EP400: variants seen among roughly 807,000 people sequenced by gnomAD.
EP400 encodes E1A binding protein p400.
Under a neutral mutation model 354.1 loss-of-function variants are expected in EP400, and 105 were observed. The observed-to-expected ratio is 0.30, with a 90% CI of 0.25 to 0.35. EP400 has a LOEUF of 0.35. EP400 is among the 10% of genes least tolerant of loss of function. The pLI, the probability that EP400 is intolerant of heterozygous loss-of-function variation, is 1.00. For missense variants in EP400, 3,280 were observed against 4,121.0 expected (o/e 0.80, Z 5.59); for synonymous variants, 1,646 against 1,716.9 (o/e 0.96, Z 1.02).
intron 2 of EP400, among the ~76,000 whole-genome samples, chr12:131,972,932 A>T (rs1274211365): frequency 6.6e-6 from 1 of 151,696 alleles, no homozygotes; most frequent in Non-Finnish European, 1.5e-5. Flanking sequence ...GGATTTTACC[A>T]TGTCGGCCAG....
intron 2 of EP400, 55 bp downstream of exon 2, chr12:131,962,009 A>G (rs940974685): frequency 9.8e-6 from 15 of 1,523,918 alleles, no homozygotes; most frequent in Middle Eastern, 1.7e-4. Flanking sequence ...ATCAGAGTCT[A>G]TGCGACAATG....
chr12:132,051,287 G>A (rs1014199582), intron 41 of EP400, among the ~76,000 whole-genome samples: 4 of 152,166 alleles, frequency 2.6e-5, no homozygotes, highest in Admixed American at 1.3e-4. Context: ...AACCCTACAG[G>A]GTCGGTGGGT....
rs1364034439 is a variant in EP400, at chr12:132,067,865, TG to T, written c.8874+380del. 6.6e-6 allele frequency among the ~76,000 whole-genome samples: 1 copy of T among 152,126 alleles called. No individual in the cohort carries two copies. Among genetic ancestry groups the T allele is most frequent in the East Asian group, 1.9e-4 (1 of 5,188 alleles). Reference sequence around the variant, plus strand: ...ACACCACAGGACCCGCCTGGACTCCTGCTGGAGGACAGGGATGCCGTACAGT... The same window carrying T: ...ACACCACAGGACCCGCCTGGACTCCTCTGGAGGACAGGGATGCCGTACAGT... On this transcript the variant is annotated intron_variant, in intron 50 of 52. Coordinates refer to ENST00000389561, the MANE Select transcript of EP400 (RefSeq NM_015409.5). This position sits in a 1 kb window ranked among gnomAD's most constrained non-coding sequence, Gnocchi z 5.3.
chr12:132,052,260 A>G lies in EP400; in HGVS notation c.7395-886A>G, dbSNP rs550107724. The stretch of plus-strand genomic sequence containing the variant: ...GAGTGGCTTGCCGCCCACAGTTGTC[A>G]CACAGTGGCGGATTTGGGAGGCTTC... On this transcript the variant is annotated intron_variant, in intron 41 of 52. Transcript: ENST00000389561. The surrounding 1 kb of genome is among the most constrained non-coding windows in gnomAD (Gnocchi z 4.4). Among the ~76,000 whole-genome samples the G allele has an allele frequency of 5.9e-5, 9 of 152,246 alleles. No homozygotes were observed. Among genetic ancestry groups the G allele is most frequent in the African/African-American group, 2.2e-4 (9 of 41,548 alleles).
Position 132,045,507 on chromosome 12 carries a change from C to A in EP400, c.6973C>A (p.Pro2325Thr). The change falls in exon 38 of 53, where the codon CCT becomes ACT. Residue 2325 changes from proline to threonine, a missense_variant. Coordinates refer to ENST00000389561, the MANE Select transcript of EP400 (RefSeq NM_015409.5). ...LPTFAKPTAEPGQDNPEWLIS... is the reference protein window; with the variant it reads ...LPTFAKPTAETGQDNPEWLIS... ...AACTTTTGCCAAACCCACAGCTGAGCCTGGTCAAGACAACCCCGAGTGGCT... is the reference window on the plus strand; with the variant it reads ...AACTTTTGCCAAACCCACAGCTGAGACTGGTCAAGACAACCCCGAGTGGCT... 6.2e-7 allele frequency: 1 copy of A among 1,614,168 alleles called. No homozygotes were observed. Among genetic ancestry groups the A allele is most frequent in the Non-Finnish European group, 8.5e-7 (1 of 1,180,034 alleles).
At chr12:132,002,299 G>C (rs1049263684) in intron 12 of EP400, among the ~76,000 whole-genome samples, 1 of 152,090 alleles carries the variant, frequency 6.6e-6, no homozygotes, top group African/African-American at 2.4e-5. Context: ...TTTCTCACCT[G>C]TTCTTTAGTC....
At chr12:132,030,326 TA>T (rs1894447281) in intron 29 of EP400, among the ~76,000 whole-genome samples, 168 bp downstream of exon 29, 1 of 152,204 alleles carries the variant, frequency 6.6e-6, no homozygotes, top group Admixed American at 6.5e-5. Flanking sequence ...TATTTTTTAT[TA>T]AAAGCCACGT....
chr12:131,959,197 A>G (rs911072367), intron 1 of EP400, among the ~76,000 whole-genome samples: 2 of 152,144 alleles, frequency 1.3e-5, no homozygotes, highest in South Asian at 4.1e-4. Context: ...TTGCTCCTTT[A>G]TGACAGAAGT....
intron 30 of EP400, 124 bp from the exon 31 acceptor site, chr12:132,037,558 G>T: frequency 1.3e-6 from 1 of 759,552 alleles, no homozygotes; most frequent in Non-Finnish European, 2.3e-6. Context: ...ACGAAGGCAT[G>T]TTCTGAGCAG....
intron 15 of EP400, 92 bp downstream of exon 15, chr12:132,006,969 C>G: frequency 7.2e-7 from 1 of 1,394,734 alleles, no homozygotes; most frequent in Non-Finnish European, 9.9e-7. Context: ...ACTTGGCTAT[C>G]TTATCTACTT....
In EP400 at chr12:132,077,872, C is replaced by T; in HGVS notation, c.*199C>T. The T allele has an allele frequency of 1.4e-6, 1 of 719,190 alleles. No homozygotes were observed. Among genetic ancestry groups the T allele is most frequent in the Non-Finnish European group, 2.2e-6 (1 of 452,564 alleles). The allele number at this position is 719,190 out of a possible 1,614,324, so 44.6% of individuals were successfully genotyped here. The stretch of plus-strand genomic sequence containing the variant: ...TGGTCCTTATGGAGTGCCGCGTTCT[C>T]TGTACTACGTGGCTCATGGAAAAAG... On this transcript the variant is annotated 3_prime_UTR_variant, in exon 53 of 53. Coordinates refer to ENST00000389561, the MANE Select transcript of EP400 (RefSeq NM_015409.5).
At chr12:132,031,826 A>T (rs1894514769) in intron 29 of EP400, 127 bp from the exon 30 acceptor site, 25 of 916,726 alleles carry the variant, frequency 2.7e-5, no homozygotes, top group Non-Finnish European at 3.7e-5. Flanking sequence ...AAGTGCTGGG[A>T]TTACAGGTGT....
intron 39 of EP400, among the ~76,000 whole-genome samples, chr12:132,046,831 GC>G (rs144265915): frequency 1.4e-3 from 214 of 152,346 alleles, no homozygotes; most frequent in Non-Finnish European, 2.7e-3. Flanking sequence ...TGCCCACGTT[GC>G]CAGTGTCCAC....
chr12:132,023,299 A>ATTTTTTTTTTT (rs767816284), intron 23 of EP400, among the ~76,000 whole-genome samples: 4 of 71,076 alleles, frequency 5.6e-5, no homozygotes, highest in African/African-American at 8.3e-5. Context: ...TGCCCAGCTA[A>ATTTTTTTTTTT]TTTTTTTTTT....
At chr12:132,061,963 C>G in intron 45 of EP400, 147 bp from the exon 46 acceptor site, 1 of 655,406 alleles carries the variant, frequency 1.5e-6, no homozygotes, top group Admixed American at 2.6e-5. Flanking sequence ...CACATGAAAT[C>G]AGCAGTTTTC....
chr12:132,063,709 T>C (rs540499472), intron 47 of EP400, among the ~76,000 whole-genome samples: 16 of 152,092 alleles, frequency 1.1e-4, no homozygotes, highest in Non-Finnish European at 2.2e-4. Context: ...CACACTCAGC[T>C]GAGGGCCCCT....
In EP400 at chr12:132,062,527, G is replaced by A. The variant is rs1379209095; in HGVS notation, c.8160G>A (p.Gln2720=). 6.2e-7 allele frequency: 1 copy of A among 1,603,216 alleles called. No individual in the cohort carries two copies. Among genetic ancestry groups the A allele is most frequent in the Non-Finnish European group, 8.5e-7 (1 of 1,176,334 alleles). The part of the protein sequence containing the change: ...ITPAHFQLLR[Q]QQQQQQQQQQ... ...CTGCACATTTCCAGCTTCTCAGGCAGCAGCAGCAGCAGCAGCAACAACAGC... is the reference window on the plus strand; with the variant it reads ...CTGCACATTTCCAGCTTCTCAGGCAACAGCAGCAGCAGCAGCAACAACAGC... Residue 2720 remains glutamine, a synonymous_variant, in exon 47 of 53, where the codon CAG becomes CAA. Transcript: ENST00000389561.
At chr12:132,069,299 G>C in intron 50 of EP400, 196 bp from the exon 51 acceptor site, 1 of 700,582 alleles carries the variant, frequency 1.4e-6, no homozygotes, top group East Asian at 3.0e-5. Flanking sequence ...CGGCCATGCC[G>C]CATGGGCAGA....
intron 48 of EP400, chr12:132,066,157 T>C (rs1235167487): frequency 1.3e-5 from 2 of 152,354 alleles, no homozygotes; most frequent in East Asian, 3.9e-4. Flanking sequence ...CATGTCATTT[T>C]TGCACACTTT....
Sources: gnomAD v4.1 joint callset for allele counts (sites outside exome capture counted in the v4.1 genomes callset) on GRCh38, gnomAD v4.1.1 for gene constraint, Gnocchi (gnomAD v3.1) non-coding constraint, MANE v1.5 for transcripts, NCBI Gene and HGNC (gene_info 2026-07-23, HGNC 2026-07-21) for gene names.